GRIN2B: variants seen among roughly 807,000 people sequenced by gnomAD.
GRIN2B encodes the protein glutamate receptor ionotropic, NMDA 2B.
GRIN2B carries 5 observed loss-of-function variants against 114.5 expected under a neutral mutation model. The observed-to-expected ratio is 0.04, with a 90% CI of 0.02 to 0.09. GRIN2B has a LOEUF of 0.09. Among genes scored for constraint, GRIN2B ranks in the 10% least tolerant of loss-of-function variants. The pLI is 1.00. For missense variants in GRIN2B, 1,108 were observed against 1,943.5 expected, an observed-to-expected ratio of 0.57 and a Z score of 8.08; for synonymous variants, 787 against 745.1, an observed-to-expected ratio of 1.06 and a Z score of -0.92.
At chr12:13,880,428 A>G (rs1297535409) in intron 2 of GRIN2B, among the ~76,000 whole-genome samples, 1 of 152,198 alleles carries the variant, frequency 6.6e-6, no homozygotes, top group East Asian at 1.9e-4. Flanking sequence ...TAGAGATGCA[A>G]CCAAAAACAA....
At chr12:13,978,273 G>A (rs1863063905) in intron 2 of GRIN2B, among the ~76,000 whole-genome samples, 1 of 152,200 alleles carries the variant, frequency 6.6e-6, no homozygotes, top group Admixed American at 6.5e-5. Context: ...GAAGCAGATG[G>A]AGAATGAGTT....
intron 3 of GRIN2B, among the ~76,000 whole-genome samples, chr12:13,785,388 C>G (rs574461151): frequency 6.6e-6 from 1 of 152,320 alleles, no homozygotes; most frequent in Admixed American, 6.5e-5. Context: ...GTGAACTACT[C>G]AGATGGCCAA....
At chr12:13,910,480 C>G (rs1866611163) in intron 2 of GRIN2B, among the ~76,000 whole-genome samples, 1 of 152,186 alleles carries the variant, frequency 6.6e-6, no homozygotes, top group African/African-American at 2.4e-5. Context: ...AAAGAAGGTG[C>G]AGCCCCTCCT....
chr12:13,600,499 A>G (rs78630671), intron 10 of GRIN2B, among the ~76,000 whole-genome samples: 11 of 113,560 alleles, frequency 9.7e-5, no homozygotes, highest in Admixed American at 1.6e-4. Context: ...GTGTGTGTGC[A>G]TGTGTGTGTG....
intron 3 of GRIN2B, among the ~76,000 whole-genome samples, chr12:13,861,503 C>G (rs191195193): frequency 2.6e-5 from 4 of 152,314 alleles, no homozygotes; most frequent in East Asian, 1.9e-4. Context: ...AAAATAGGCT[C>G]TTTATACTCA....
chr12:13,572,430 T>A (rs956313007), intron 10 of GRIN2B, among the ~76,000 whole-genome samples: 2 of 152,218 alleles, frequency 1.3e-5, no homozygotes, highest in Non-Finnish European at 2.9e-5. Context: ...AGCTATGTGG[T>A]ACTCCTGAAG....
chr12:13,748,574 T>A (rs1346721599), intron 4 of GRIN2B, among the ~76,000 whole-genome samples: 1 of 152,242 alleles, frequency 6.6e-6, no homozygotes, highest in East Asian at 1.9e-4. Context: ...CAAAACGTTT[T>A]TAGACTTTTC....
chr12:13,757,793 C>A (rs1863604644), intron 3 of GRIN2B, among the ~76,000 whole-genome samples: 1 of 152,056 alleles, frequency 6.6e-6, no homozygotes, highest in South Asian at 2.1e-4. Context: ...GGGCCCCCAT[C>A]ATTTTGATGT....
At chr12:13,670,319 T>A (rs1033096710) in intron 5 of GRIN2B, 2 of 152,122 alleles carry the variant, frequency 1.3e-5, no homozygotes, top group Non-Finnish European at 2.9e-5. Flanking sequence ...GGGAGTGGGC[T>A]TATAAAACAC....
At chr12:13,921,275 G>C (rs1365970144) in intron 2 of GRIN2B, among the ~76,000 whole-genome samples, 2 of 152,062 alleles carry the variant, frequency 1.3e-5, no homozygotes, top group African/African-American at 4.8e-5. Context: ...GTGCAGACCT[G>C]TAGTCCCAGC....
chr12:13,663,223 G>C (rs748467620), intron 5 of GRIN2B, among the ~76,000 whole-genome samples: 4 of 152,100 alleles, frequency 2.6e-5, no homozygotes, highest in South Asian at 2.1e-4. Flanking sequence ...GTTCAACTAT[G>C]ACTAACCATG....
intron 5 of GRIN2B, among the ~76,000 whole-genome samples, chr12:13,675,412 A>G (rs576144122): frequency 6.6e-6 from 1 of 152,164 alleles, no homozygotes; most frequent in Non-Finnish European, 1.5e-5. Flanking sequence ...CTAGGACACA[A>G]CTCCTGAACT....
chr12:13,612,608 G>T (rs1249419691), intron 8 of GRIN2B, among the ~76,000 whole-genome samples: 2 of 152,214 alleles, frequency 1.3e-5, no homozygotes, highest in Non-Finnish European at 2.9e-5. Context: ...GGGTTGATGG[G>T]ACAAGACTGG....
At chr12:13,895,279 C>T (rs1182055645) in intron 2 of GRIN2B, among the ~76,000 whole-genome samples, 3 of 152,154 alleles carry the variant, frequency 2.0e-5, no homozygotes, top group African/African-American at 7.2e-5. Context: ...CACATTTACA[C>T]CCAGCATTAT....
chr12:13,610,912 C>T (rs4764016), intron 9 of GRIN2B, among the ~76,000 whole-genome samples: 151,309 of 152,302 alleles, frequency 0.99, 75,166 homozygotes, highest in Middle Eastern at 1. Flanking sequence ...TAAGAATCTT[C>T]CCTCTTGGAG....
intron 4 of GRIN2B, among the ~76,000 whole-genome samples, chr12:13,724,032 AAG>A (rs1372254762): frequency 2.0e-5 from 3 of 152,154 alleles, no homozygotes; most frequent in African/African-American, 7.2e-5. Context: ...GGAAGACAGT[AAG>A]AGAGGATTTT....
intron 2 of GRIN2B, among the ~76,000 whole-genome samples, chr12:13,925,355 T>C (rs962291450): frequency 2.6e-5 from 4 of 152,236 alleles, no homozygotes; most frequent in Non-Finnish European, 5.9e-5. Context: ...AGGAATGTGA[T>C]GTTAGAAGAG....
intron 3 of GRIN2B, among the ~76,000 whole-genome samples, chr12:13,852,995 AC>A (rs1865598213): frequency 6.6e-6 from 1 of 151,950 alleles, no homozygotes; most frequent in Non-Finnish European, 1.5e-5. Flanking sequence ...CAACCAAAAC[AC>A]TTTCCCACTT....
intron 2 of GRIN2B, among the ~76,000 whole-genome samples, chr12:13,930,632 C>A (rs1339131461): frequency 6.6e-6 from 1 of 152,176 alleles, no homozygotes; most frequent in Non-Finnish European, 1.5e-5. Flanking sequence ...TACCCAGCTA[C>A]TTCCACAGAA....
Sources: gnomAD v4.1 joint callset for allele counts (sites outside exome capture counted in the v4.1 genomes callset) on GRCh38, gnomAD v4.1.1 for gene constraint, MANE v1.5 for transcripts, NCBI Gene and HGNC (gene_info 2026-07-23, HGNC 2026-07-21) for gene names.